Variants in ARHGAP24 observed in about 807,000 individuals in gnomAD.
ARHGAP24 encodes Rho GTPase activating protein 24.
ARHGAP24 carries 50 observed loss-of-function variants against 76.4 expected under a neutral mutation model. The ratio of observed to expected loss-of-function variants is 0.65; its 90% CI spans 0.52 to 0.83. The LOEUF (loss-of-function observed/expected upper bound fraction) is 0.83, where lower values mean the gene tolerates loss of function less well. Ranked by LOEUF, ARHGAP24 falls within the 40% of genes least tolerant of loss-of-function variation. The pLI is 0.00. For synonymous variants in ARHGAP24, 345 were observed against 323.3 expected, an observed-to-expected ratio of 1.07 and a Z score of -0.72; for missense variants, 930 against 914.2, an observed-to-expected ratio of 1.02 and a Z score of -0.22.
intron 4 of ARHGAP24, among the ~76,000 whole-genome samples, chr4:85,936,851 C>T (rs1244165477): frequency 6.6e-6 from 1 of 152,078 alleles, no homozygotes; most frequent in Non-Finnish European, 1.5e-5. Context: ...GAAGACATGA[C>T]AAGCAATACA....
At chr4:85,923,160 T>C (rs1184966663) in intron 3 of ARHGAP24, among the ~76,000 whole-genome samples, 1 of 152,130 alleles carries the variant, frequency 6.6e-6, no homozygotes, top group Non-Finnish European at 1.5e-5. Flanking sequence ...AGGCATTGCA[T>C]GTGGCTCTTT....
At chr4:85,926,145 G>A (rs1220117860) in intron 4 of ARHGAP24, among the ~76,000 whole-genome samples, 1 of 152,140 alleles carries the variant, frequency 6.6e-6, no homozygotes, top group Non-Finnish European at 1.5e-5. Flanking sequence ...AGTGGGACTG[G>A]GTGAGCTGTA....
intron 1 of ARHGAP24, among the ~76,000 whole-genome samples, chr4:85,514,817 T>TAAAAAAA (rs773699457): frequency 3.6e-5 from 3 of 82,500 alleles, no homozygotes; most frequent in Admixed American, 1.9e-4. Context: ...CTCTAAATTG[T>TAAAAAAA]AAAAAAAAAA....
chr4:85,537,032 A>G (rs759443239), intron 1 of ARHGAP24, among the ~76,000 whole-genome samples: 1 of 152,126 alleles, frequency 6.6e-6, no homozygotes, highest in Non-Finnish European at 1.5e-5. Context: ...TTCTCAATTT[A>G]TTCAAGGGAA....
At chr4:85,876,858 G>C (rs2601843) in intron 3 of ARHGAP24, among the ~76,000 whole-genome samples, 32 of 152,164 alleles carry the variant, frequency 2.1e-4, no homozygotes, top group Non-Finnish European at 4.0e-4. Flanking sequence ...GTTTATAGAA[G>C]TTCTTCTGGC....
At chr4:85,600,422 T>C (rs936880046) in intron 2 of ARHGAP24, among the ~76,000 whole-genome samples, 1 of 152,160 alleles carries the variant, frequency 6.6e-6, no homozygotes, top group African/African-American at 2.4e-5. Context: ...TGGATTTCAG[T>C]AGAGCATGAA....
chr4:85,641,132 T>C (rs1721505165), intron 2 of ARHGAP24, among the ~76,000 whole-genome samples: 1 of 152,166 alleles, frequency 6.6e-6, no homozygotes, highest in Non-Finnish European at 1.5e-5. Context: ...CATCTCACGC[T>C]ATCACTCAGG....
chr4:85,819,312 ATC>A (rs1729371991), intron 3 of ARHGAP24, among the ~76,000 whole-genome samples: 1 of 152,248 alleles, frequency 6.6e-6, no homozygotes, highest in Non-Finnish European at 1.5e-5. Flanking sequence ...CTCAGTTTAC[ATC>A]TCATTTCCAC....
chr4:85,650,564 G>A (rs1375167622), intron 2 of ARHGAP24, among the ~76,000 whole-genome samples: 1 of 149,422 alleles, frequency 6.7e-6, no homozygotes, highest in Admixed American at 6.6e-5. Flanking sequence ...CAAATACTTA[G>A]AACAGTTCTT....
intron 2 of ARHGAP24, among the ~76,000 whole-genome samples, chr4:85,614,882 C>T (rs1048867423): frequency 2.0e-5 from 3 of 152,058 alleles, no homozygotes; most frequent in Non-Finnish European, 4.4e-5. Flanking sequence ...CCATCAGAGT[C>T]ACACGAATAT....
chr4:85,930,910 T>G (rs1018131465), intron 4 of ARHGAP24: 3 of 1,613,534 alleles, frequency 1.9e-6, no homozygotes, highest in Non-Finnish European at 2.5e-6. Flanking sequence ...AAAACCGGGT[T>G]CAGAACTTCA....
intron 8 of ARHGAP24, among the ~76,000 whole-genome samples, chr4:85,979,669 T>C (rs551140327): frequency 6.6e-6 from 1 of 152,314 alleles, no homozygotes; most frequent in African/African-American, 2.4e-5. Flanking sequence ...TTTGAACACT[T>C]TAAAAAATTT....
intron 8 of ARHGAP24, among the ~76,000 whole-genome samples, chr4:85,986,623 G>A (rs572658364): frequency 6.6e-6 from 1 of 152,098 alleles, no homozygotes; most frequent in African/African-American, 2.4e-5. Flanking sequence ...AGAATTTGGG[G>A]GAGTAGAAAA....
At chr4:85,964,003 G>C (rs1371396039) in intron 5 of ARHGAP24, among the ~76,000 whole-genome samples, 1 of 152,130 alleles carries the variant, frequency 6.6e-6, no homozygotes, top group Middle Eastern at 3.4e-3. Context: ...TTGATATCAG[G>C]AAGACCAGTT....
chr4:85,811,592 A>G (rs1385721298), intron 3 of ARHGAP24, among the ~76,000 whole-genome samples: 1 of 152,222 alleles, frequency 6.6e-6, no homozygotes, highest in Non-Finnish European at 1.5e-5. Flanking sequence ...TTAAATGTTT[A>G]TCATTTTATC....
At chr4:85,912,316 AAAATTTCACATCCTGCTC>A (rs774000970) in intron 3 of ARHGAP24, among the ~76,000 whole-genome samples, 4 of 152,160 alleles carry the variant, frequency 2.6e-5, no homozygotes, top group Non-Finnish European at 5.9e-5. Flanking sequence ...GCCCATAAGA[AAAATTTCACATCCTGCTC>A]TCCCACACAT....
At chr4:85,640,476 G>A (rs540245391) in intron 2 of ARHGAP24, among the ~76,000 whole-genome samples, 8 of 152,206 alleles carry the variant, frequency 5.3e-5, no homozygotes, top group African/African-American at 1.7e-4. Flanking sequence ...CTTATTTGTT[G>A]GCCTTGCCAT....
intron 2 of ARHGAP24, among the ~76,000 whole-genome samples, chr4:85,595,066 C>T (rs1250842001): frequency 6.6e-6 from 1 of 151,982 alleles, no homozygotes; most frequent in Non-Finnish European, 1.5e-5. Context: ...CCTACTTTCC[C>T]TTTTCTCCCA....
At chr4:85,494,950 T>C (rs1421133536) in intron 1 of ARHGAP24, among the ~76,000 whole-genome samples, 2 of 151,318 alleles carry the variant, frequency 1.3e-5, no homozygotes, top group Non-Finnish European at 2.9e-5. Context: ...TACAAGAAAT[T>C]AGCTGGGCGG....
Sources: allele counts gnomAD v4.1 joint callset (sites outside exome capture counted in the v4.1 genomes callset), GRCh38; gene constraint gnomAD v4.1.1; transcripts MANE v1.5; gene names NCBI Gene and HGNC (gene_info 2026-07-23, HGNC 2026-07-21).